Variants in LRIT3 observed in about 807,000 individuals in gnomAD.
LRIT3 encodes leucine-rich repeat, immunoglobulin-like domain and transmembrane domain-containing protein 3.
LRIT3 carries 14 observed loss-of-function variants against 22.6 expected under a neutral mutation model. That is an observed-to-expected ratio of 0.62 (90% CI 0.41 to 0.97). The LOEUF is 0.97. LRIT3 is among the 50% of genes least tolerant of loss of function. The pLI is 0.00. For synonymous variants in LRIT3, 306 were observed against 304.5 expected, an observed-to-expected ratio of 1.01 and a Z score of -0.05; for missense variants, 783 against 803.0, an observed-to-expected ratio of 0.98 and a Z score of 0.30.
intron 2 of LRIT3, among the ~76,000 whole-genome samples, chr4:109,867,229 A>G (rs1734703293): frequency 6.6e-6 from 1 of 152,068 alleles, no homozygotes; most frequent in Non-Finnish European, 1.5e-5. Context: ...GACACTAATT[A>G]GCTTTGTGAC....
At chr4:109,848,388 T>C (rs1734129349) in intron 1 of LRIT3, 71 bp downstream of exon 1, 1 of 798,300 alleles carries the variant, frequency 1.3e-6, no homozygotes, top group Admixed American at 4.3e-5. Context: ...GAAAGCCTAC[T>C]TTTGAAAGCA....
intron 2 of LRIT3, among the ~76,000 whole-genome samples, chr4:109,861,908 C>T (rs1734557527): frequency 6.6e-6 from 1 of 152,168 alleles, no homozygotes; most frequent in Admixed American, 6.5e-5. Flanking sequence ...AGCCTTTATA[C>T]TCAATTTTTA....
chr4:109,854,133 G>C (rs191938765), intron 2 of LRIT3, among the ~76,000 whole-genome samples: 1 of 152,254 alleles, frequency 6.6e-6, no homozygotes, highest in East Asian at 1.9e-4. Context: ...GAAAGTCAAT[G>C]GTAGCTTGAT....
chr4:109,851,778 C>T lies in LRIT3; in HGVS notation c.391C>T (p.Leu131=), dbSNP rs1734278274. Reference sequence around the variant, plus strand: ...GGCATCTCTGCTGGACATGCCCCTTCTGAGGACCCTGGACTTGCACAATAA... The same window carrying T: ...GGCATCTCTGCTGGACATGCCCCTTTTGAGGACCCTGGACTTGCACAATAA... ...PWASLLDMPL[L]RTLDLHNNKI... The change falls in exon 2 of 4, where the codon CTG becomes TTG. Residue 131 remains leucine, a synonymous_variant. Transcript: ENST00000594814. 3 of 1,551,794 alleles carry T rather than the reference C, an allele frequency of 1.9e-6. No homozygotes were observed. The highest frequency in any genetic ancestry group is 2.6e-6 in the Non-Finnish European group (3 of 1,147,026).
chr4:109,850,396 T>C (rs937888135), intron 1 of LRIT3, among the ~76,000 whole-genome samples: 1 of 828 alleles, frequency 1.2e-3, no homozygotes, highest in Non-Finnish European at 3.6e-3. Context: ...CCTTCCTTCC[T>C]TCCTTCCTTC....
chr4:109,849,604 T>C (rs974853005), intron 1 of LRIT3, among the ~76,000 whole-genome samples: 1 of 151,830 alleles, frequency 6.6e-6, no homozygotes, highest in Admixed American at 6.6e-5. Context: ...CATGCTGAGA[T>C]ACTTATTTTA....
chr4:109,862,742 C>G (rs890729893), intron 2 of LRIT3, among the ~76,000 whole-genome samples: 1 of 152,180 alleles, frequency 6.6e-6, no homozygotes, highest in Non-Finnish European at 1.5e-5. Flanking sequence ...CTTTGTCACC[C>G]AGGCTGGAGT....
intron 2 of LRIT3, chr4:109,865,163 G>A: frequency 2.1e-6 from 3 of 1,461,590 alleles, no homozygotes; most frequent in Non-Finnish European, 2.8e-6. Flanking sequence ...CATTTATCTA[G>A]TCAACTCTCC....
intron 2 of LRIT3, among the ~76,000 whole-genome samples, chr4:109,852,911 C>T (rs1734308548): frequency 6.6e-6 from 1 of 152,152 alleles, no homozygotes; most frequent in South Asian, 2.1e-4. Context: ...CTGCAAAGGA[C>T]ATGAACTCAT....
At position 109,867,838 on chromosome 4, in the gene LRIT3, A is replaced by C; in HGVS notation, c.787A>C (p.Ile263Leu). The stretch of plus-strand genomic sequence containing the variant: ...ATCAGTGATGACCTCAGCCACCAAA[A>C]TCATGTCTGCTCTGGGCAGTAATGT... Reference protein sequence around the residue: ...KPSVMTSATKIMSALGSNVLL... With the variant: ...KPSVMTSATKLMSALGSNVLL... Residue 263 changes from isoleucine to leucine, a missense_variant, in exon 3 of 4, where the codon ATC becomes CTC. By Grantham distance (5) the Ile-to-Leu change is conservative (BLOSUM62 2). Transcript: ENST00000594814. 6.2e-7 allele frequency: 1 copy of C among 1,614,144 alleles called. No individual in the cohort carries two copies.
rs1734809985 is a variant in LRIT3 at position 109,870,578 on chromosome 4, A to C, written c.1829A>C (p.Gln610Pro). The change falls in exon 4 of 4, where the codon CAA (glutamine) becomes CCA (proline). Residue 610 changes from glutamine (Q) to proline (P), a missense_variant. Coordinates refer to ENST00000594814, the MANE Select transcript of LRIT3 (RefSeq NM_198506.5). Reference protein sequence around the residue: ...CFLLYKVCKLQCKSEPFWEDD... With the variant: ...CFLLYKVCKLPCKSEPFWEDD... ...TTGTTGTACAAAGTTTGCAAACTGC[A>C]ATGTAAATCAGAACCTTTTTGGGAA... 6.2e-7 allele frequency: 1 copy of C among 1,613,930 alleles called. No individual in the cohort carries two copies. The highest frequency in any genetic ancestry group is 8.5e-7 in the Non-Finnish European group (1 of 1,179,828).
At chr4:109,861,862 C>G (rs1734556495) in intron 2 of LRIT3, among the ~76,000 whole-genome samples, 1 of 152,126 alleles carries the variant, frequency 6.6e-6, no homozygotes, top group Non-Finnish European at 1.5e-5. Flanking sequence ...GTTTGCCTAC[C>G]TCAAAATCAC....
At chr4:109,862,692 A>C (rs1329033161) in intron 2 of LRIT3, among the ~76,000 whole-genome samples, 1 of 152,112 alleles carries the variant, frequency 6.6e-6, no homozygotes, top group Non-Finnish European at 1.5e-5. Flanking sequence ...TTGCTGCTTT[A>C]ACATTTTTAA....
In LRIT3 at chr4:109,851,656, A is replaced by G; in HGVS notation, c.269A>G (p.Tyr90Cys). 1 of 1,551,684 alleles carries G rather than the reference A, an allele frequency of 6.4e-7. No homozygotes were observed. Among genetic ancestry groups the G allele is most frequent in the East Asian group, 2.4e-5 (1 of 40,906 alleles). ...LVELQYLWVT[Y>C]NSVASIDPSS... ...GAGCTCCAGTATCTCTGGGTGACTTACAATTCCGTGGCCAGCATTGACCCC... is the reference window on the plus strand; with the variant it reads ...GAGCTCCAGTATCTCTGGGTGACTTGCAATTCCGTGGCCAGCATTGACCCC... Residue 90 changes from tyrosine to cysteine, a missense_variant, in exon 2 of 4, where the codon TAC becomes TGC. Physicochemically the swap from Tyr to Cys is radical, Grantham distance 194 (BLOSUM62 -2). Around this residue, in one of 2 missense-constraint regions of LRIT3, gnomAD observed 756 missense variants for 753.8 expected, o/e 1.00. Transcript: ENST00000594814.
At chr4:109,851,075 T>C (rs1734242685) in intron 1 of LRIT3, among the ~76,000 whole-genome samples, 1 of 152,188 alleles carries the variant, frequency 6.6e-6, no homozygotes, top group African/African-American at 2.4e-5. Context: ...GAAGTGGTTT[T>C]GAAAGGTGGC....
At chr4:109,865,297 A>G in intron 2 of LRIT3, 1 of 1,600,948 alleles carries the variant, frequency 6.2e-7, no homozygotes, top group Non-Finnish European at 8.5e-7. Flanking sequence ...ATTTCCTATT[A>G]CTTTTAAAAT....
intron 3 of LRIT3, 63 bp from the exon 4 acceptor site, chr4:109,869,582 G>T: frequency 2.7e-6 from 4 of 1,468,612 alleles, no homozygotes; most frequent in Non-Finnish European, 3.7e-6. Flanking sequence ...TTCCTCCTCA[G>T]TTGGCATGGT....
chr4:109,848,491 G>C (rs1324740708), intron 1 of LRIT3, among the ~76,000 whole-genome samples, 174 bp downstream of exon 1: 1 of 152,104 alleles, frequency 6.6e-6, no homozygotes, highest in African/African-American at 2.4e-5. Flanking sequence ...CTCCTTCACT[G>C]TTTTCGTTTT....
At chr4:109,865,234 TA>T (rs1444534701) in intron 2 of LRIT3, 2 of 1,545,306 alleles carry the variant, frequency 1.3e-6, no homozygotes, top group Non-Finnish European at 1.8e-6. Context: ...CAGAATTAAC[TA>T]ATGGTTGAGC....
Sources: allele counts gnomAD v4.1 joint callset (sites outside exome capture counted in the v4.1 genomes callset), GRCh38; gene constraint gnomAD v4.1.1; regional missense constraint gnomAD v4.1.1; transcripts MANE v1.5; gene names NCBI Gene and HGNC (gene_info 2026-07-23, HGNC 2026-07-21).